Variants in NUP160 observed in about 807,000 individuals in gnomAD.
NUP160 encodes nucleoporin 160.
NUP160 carries 94 observed loss-of-function variants against 196.9 expected under a neutral mutation model. The ratio of observed to expected loss-of-function variants is 0.48; its 90% CI spans 0.40 to 0.57. NUP160 has a LOEUF of 0.57. Among genes scored for constraint, NUP160 ranks in the 20% least tolerant of loss-of-function variants. The probability of loss-of-function intolerance (pLI) is 0.00; values close to 1 mark genes in which losing one functional copy is unlikely to be tolerated. For missense variants in NUP160, 1,638 were observed against 1,748.3 expected, an observed-to-expected ratio of 0.94 and a Z score of 1.13; for synonymous variants, 605 against 619.7, an observed-to-expected ratio of 0.98 and a Z score of 0.35.
rs1565191631 is a variant in NUP160 at position 47,798,060 on chromosome 11, A to C, written c.3101T>G (p.Leu1034Ter). ...ACAAAGAACTACCACCAACTGCCGT[A>C]AACAATCTAATTGCCTAGAAGGAAA... Residue 1034 changes from leucine to a stop codon, truncating the protein, a stop_gained, in exon 26 of 36, where the codon TTA becomes TGA. Coordinates refer to ENST00000378460, the Ensembl canonical transcript of NUP160. LOFTEE classifies it high-confidence loss of function. The C allele has an allele frequency of 6.3e-7, 1 of 1,580,434 alleles. No homozygotes were observed. Among genetic ancestry groups the C allele is most frequent in the Non-Finnish European group, 8.6e-7 (1 of 1,160,206 alleles).
chr11:47,788,524 T>C (rs758986099), exon 30 of NUP160: 10 of 1,613,836 alleles, frequency 6.2e-6, no homozygotes, highest in Middle Eastern at 1.6e-4. Context: ...CGCTGATGGA[T>C]CATGCTGAGC....
At position 47,798,351 on chromosome 11, in the gene NUP160, T is replaced by G. The variant is rs774114700; in HGVS notation, c.2991+17A>C. 2.4e-5 allele frequency: 38 copies of G among 1,581,770 alleles called. No individual in the cohort carries two copies. Among genetic ancestry groups the G allele is most frequent in the Non-Finnish European group, 3.3e-5 (38 of 1,151,632 alleles). On this transcript the variant is annotated intron_variant, in intron 24 of 35. Coordinates refer to ENST00000378460, the Ensembl canonical transcript of NUP160. Reference sequence around the variant, plus strand: ...ACAAACCTTAAAGAAAACAACCAAATTGCAGCCAATTCTTACCTGACTTTT... The same window carrying G: ...ACAAACCTTAAAGAAAACAACCAAAGTGCAGCCAATTCTTACCTGACTTTT...
intron 24 of NUP160, 34 bp downstream of exon 24, chr11:47,798,334 T>TA (rs1171108289): frequency 7.0e-6 from 11 of 1,561,330 alleles, no homozygotes; most frequent in Non-Finnish European, 9.7e-6. Flanking sequence ...CAACAAACCT[T>TA]AAAGAAAACA....
chr11:47,811,482 A>T (rs1302265758), intron 17 of NUP160, among the ~76,000 whole-genome samples: 1 of 150,234 alleles, frequency 6.7e-6, no homozygotes, highest in Non-Finnish European at 1.5e-5. Flanking sequence ...AGATTGTCTC[A>T]AGAAAAAAAA....
chr11:47,786,366 G>A, intron 32 of NUP160, 87 bp downstream of exon 32: 3 of 762,030 alleles, frequency 3.9e-6, no homozygotes, highest in Non-Finnish European at 6.6e-6. Flanking sequence ...AAAGTGAAAT[G>A]ATCTATGTAG....
At chr11:47,820,726 A>G (rs1851840582) in intron 9 of NUP160, among the ~76,000 whole-genome samples, 1 of 151,878 alleles carries the variant, frequency 6.6e-6, no homozygotes, top group Admixed American at 6.6e-5. Flanking sequence ...TAATTTTTGT[A>G]TTTTTAGTAG....
At chr11:47,804,992 A>C (rs2097676604) in intron 20 of NUP160, among the ~76,000 whole-genome samples, 2 of 152,304 alleles carry the variant, frequency 1.3e-5, no homozygotes, top group Non-Finnish European at 2.9e-5. Context: ...AAATTTTTAA[A>C]AGCCTGTATT....
intron 18 of NUP160, among the ~76,000 whole-genome samples, chr11:47,808,031 C>T (rs771077828): frequency 6.6e-6 from 1 of 152,140 alleles, no homozygotes; most frequent in Non-Finnish European, 1.5e-5. Flanking sequence ...GCCTGTAATC[C>T]CAGCACTTTG....
At chr11:47,803,315 CT>C in intron 22 of NUP160, 122 bp downstream of exon 22, 1 of 647,556 alleles carries the variant, frequency 1.5e-6, no homozygotes, top group Non-Finnish European at 2.8e-6. Flanking sequence ...TTAGTACAGT[CT>C]TCTTTAACTT....
chr11:47,780,538 C>A (rs2097660071), intron 34 of NUP160, 91 bp from the exon 35 acceptor site: 1 of 614,128 alleles, frequency 1.6e-6, no homozygotes, highest in Admixed American at 3.8e-5. Context: ...GAATAAAATA[C>A]CCTTTTTTTT....
In NUP160 at chr11:47,806,246, T is replaced by G. The variant is rs778448540; in HGVS notation, c.2513A>C (p.His838Pro). Residue 838 changes from histidine to proline, a missense_variant, in exon 20 of 36, where the codon CAC (histidine) becomes CCC (proline). This residue lies in a region of NUP160 where 1,345 missense variants were observed against 1,470.2 expected (regional missense o/e 0.91). Coordinates refer to ENST00000378460, the Ensembl canonical transcript of NUP160. ...AGGTGCCTTTGGCTGAGAGAAGAGGTGAGATATAATGTGTTTTCTTGCAAC... is the reference window on the plus strand; with the variant it reads ...AGGTGCCTTTGGCTGAGAGAAGAGGGGAGATATAATGTGTTTTCTTGCAAC... 2 of 1,613,120 alleles carry G rather than the reference T, an allele frequency of 1.2e-6. No homozygotes were observed. The highest frequency in any genetic ancestry group is 1.1e-5 in the South Asian group (1 of 91,066).
At chr11:47,831,824 C>T (rs1456010537) in intron 7 of NUP160, among the ~76,000 whole-genome samples, 1 of 99,622 alleles carries the variant, frequency 1.0e-5, no homozygotes, top group African/African-American at 4.1e-5. Flanking sequence ...GCCTTAGTGA[C>T]AAAGCGAGAC....
chr11:47,838,961 G>A (rs557326200), intron 4 of NUP160, among the ~76,000 whole-genome samples: 1 of 149,990 alleles, frequency 6.7e-6, no homozygotes, highest in African/African-American at 2.4e-5. Flanking sequence ...CTGAGATCAT[G>A]CCACTGTACT....
At chr11:47,811,913 T>C (rs2097681361) in intron 17 of NUP160, 151 bp downstream of exon 17, 4 of 632,728 alleles carry the variant, frequency 6.3e-6, no homozygotes, top group South Asian at 2.0e-5. Flanking sequence ...AAAATATTTA[T>C]AGAGCATCTC....
chr11:47,782,296 AAAAAAAAATATATATATATATAT>A lies in NUP160; in HGVS notation c.4116+754_4116+776del, dbSNP rs1391006416. 7.9e-4 allele frequency among the ~76,000 whole-genome samples: 39 copies of A among 49,564 alleles called. 3 individuals carry two copies. The highest frequency in any genetic ancestry group is 3.3e-3 in the East Asian group (8 of 2,398). 32.5% of individuals were successfully genotyped at this position (49,564 alleles called of 152,430 possible). A position where few individuals can be genotyped will look rare whatever the true frequency, so the allele number is the denominator to read the frequency against. ...AACAGAGCAAAACTCAGTTAAAAAAAAAAAAAAATATATATATATATATATATATATATATATATATATATATA... is the reference window on the plus strand; with the variant it reads ...AACAGAGCAAAACTCAGTTAAAAAAAATATATATATATATATATATATATA... On this transcript the variant is annotated intron_variant, in intron 34 of 35. Transcript: ENST00000378460.
chr11:47,792,016 A>G, intron 28 of NUP160, 26 bp from the exon 29 acceptor site: 1 of 1,530,694 alleles, frequency 6.5e-7, no homozygotes, highest in Non-Finnish European at 9.0e-7. Context: ...AAGCAATTTA[A>G]CTGTGAAAAT....
In NUP160 at chr11:47,818,082, T is replaced by C; in HGVS notation, c.1405A>G (p.Asn469Asp). 6.2e-7 allele frequency: 1 copy of C among 1,611,700 alleles called. No homozygotes were observed. Among genetic ancestry groups the C allele is most frequent in the Middle Eastern group, 1.7e-4 (1 of 6,038 alleles). The change falls in exon 11 of 36, where the codon AAT becomes GAT. Residue 469 changes from asparagine (N) to aspartate (D), a missense_variant. Asn to Asp is a conservative substitution (Grantham distance 23). Transcript: ENST00000378460. The stretch of plus-strand genomic sequence containing the variant: ...TGTAAAGCCTTACATAAAGCTTCAT[T>C]TGTGAATTGTCCTGGTGTAAAAAGA...
At chr11:47,817,340 A>G (rs532765452) in intron 11 of NUP160, among the ~76,000 whole-genome samples, 1 of 150,994 alleles carries the variant, frequency 6.6e-6, no homozygotes, top group South Asian at 2.1e-4. Flanking sequence ...TGAAGCCAAA[A>G]ACTTTTTTTT....
intron 35 of NUP160, among the ~76,000 whole-genome samples, chr11:47,779,753 A>G (rs1378491763): frequency 6.6e-6 from 1 of 152,076 alleles, no homozygotes; most frequent in Non-Finnish European, 1.5e-5. Flanking sequence ...GGGGGAATGG[A>G]GTCTCACTCT....
Sources: gnomAD v4.1 joint callset for allele counts (sites outside exome capture counted in the v4.1 genomes callset) on GRCh38, gnomAD v4.1.1 for gene constraint, gnomAD v4.1.1 regional missense constraint, MANE v1.5 for transcripts, NCBI Gene and HGNC (gene_info 2026-07-23, HGNC 2026-07-21) for gene names.